Variants in PPP2R2C observed in about 807,000 individuals in gnomAD.
The protein encoded by PPP2R2C is protein phosphatase 2, regulatory subunit B, gamma.
A neutral mutation model predicts 45.3 loss-of-function variants in PPP2R2C; 10 were observed. The observed-to-expected ratio is 0.22, with a 90% CI of 0.14 to 0.37. The LOEUF (loss-of-function observed/expected upper bound fraction) is 0.37. Ranked by LOEUF, PPP2R2C falls within the 10% of genes least tolerant of loss-of-function variation. PPP2R2C has a pLI of 1.00. For missense variants in PPP2R2C, 308 were observed against 619.7 expected (o/e 0.50, Z 5.34); for synonymous variants, 257 against 245.4 (o/e 1.05, Z -0.44).
At chr4:6,371,776 T>C (rs1714846717) in intron 5 of PPP2R2C, among the ~76,000 whole-genome samples, 1 of 152,192 alleles carries the variant, frequency 6.6e-6, no homozygotes, top group Non-Finnish European at 1.5e-5. Context: ...AATGAATGCT[T>C]GTTGATGTTA....
chr4:6,537,203 AAAAAAAAAAGGAAGAATG>A (rs1724654119), intron 1 of PPP2R2C, among the ~76,000 whole-genome samples: 1 of 148,940 alleles, frequency 6.7e-6, no homozygotes, highest in Admixed American at 6.7e-5. Context: ...ACTCCATCTC[AAAAAAAAAAGGAAGAATG>A]ACATCAAAGG....
At chr4:6,511,609 GTGGTGGTGA>G (rs1723513403) in intron 2 of PPP2R2C, among the ~76,000 whole-genome samples, 1 of 83,616 alleles carries the variant, frequency 1.2e-5, no homozygotes, top group Non-Finnish European at 2.3e-5. Context: ...GGGGGTGGTG[GTGGTGGTGA>G]TGGTGGTGGT....
rs561603792 is a variant in PPP2R2C at position 6,463,598 on chromosome 4, G to A, written c.70+8562C>T. Among the ~76,000 whole-genome samples, 18 of 152,354 alleles carry A rather than the reference G, an allele frequency of 1.2e-4. No individual in the cohort carries two copies. In the East Asian group the frequency reaches 1.5e-3, roughly 13 times the overall value. ...GGGCCCCCAGGTGTGTCCTGCTCCCGGGCCGGCTGGCAACTAACTAACTGC... is the reference window on the plus strand; with the variant it reads ...GGGCCCCCAGGTGTGTCCTGCTCCCAGGCCGGCTGGCAACTAACTAACTGC... On this transcript the variant is annotated intron_variant, in intron 1 of 8. Transcript: ENST00000382599.
At chr4:6,549,038 C>T (rs1158009421) in intron 1 of PPP2R2C, among the ~76,000 whole-genome samples, 1 of 152,158 alleles carries the variant, frequency 6.6e-6, no homozygotes, top group Non-Finnish European at 1.5e-5. Flanking sequence ...TCAGTTCCTC[C>T]CACGTGCAAG....
Position 6,349,101 on chromosome 4 carries a change from C to T in PPP2R2C, c.626-1091G>A, listed in dbSNP as rs561189776. 1.1e-5 allele frequency: 11 copies of T among 985,406 alleles called. No homozygotes were observed. The African/African-American group carries it at 1.4e-4, about 12-fold the overall frequency. 61.0% of individuals were successfully genotyped at this position (985,406 alleles called of 1,614,324 possible). ...TCTTGGAGCATGCAAGGACTGGCAC[C>T]CCCGAGCTTCTCTCCGGCTTTCCAG... On this transcript the variant is annotated intron_variant, in intron 5 of 8. Coordinates refer to ENST00000382599, the MANE Select transcript of PPP2R2C (RefSeq NM_020416.4).
chr4:6,520,463 G>A (rs999050932), intron 2 of PPP2R2C, among the ~76,000 whole-genome samples: 6 of 152,230 alleles, frequency 3.9e-5, no homozygotes, highest in African/African-American at 1.4e-4. Context: ...CAGCAGCCCT[G>A]TCAATACTGT....
At chr4:6,356,040 G>A (rs1469740180) in intron 5 of PPP2R2C, among the ~76,000 whole-genome samples, 1 of 148,974 alleles carries the variant, frequency 6.7e-6, no homozygotes, top group East Asian at 2.0e-4. Context: ...TGGGAAGCAC[G>A]TCACACGTGC....
chr4:6,440,637 T>G (rs991288059), intron 1 of PPP2R2C, among the ~76,000 whole-genome samples: 8 of 152,228 alleles, frequency 5.3e-5, no homozygotes, highest in Non-Finnish European at 1.0e-4. Context: ...TGGTGCTGTC[T>G]GTGGTGCTTA....
intron 2 of PPP2R2C, among the ~76,000 whole-genome samples, chr4:6,379,188 C>T (rs1715590458): frequency 1.3e-5 from 2 of 152,078 alleles, no homozygotes; most frequent in Admixed American, 6.5e-5. Context: ...GGAATCTGTC[C>T]CCGGCTTTCC....
chr4:6,375,377 G>T (rs982777901), intron 4 of PPP2R2C, among the ~76,000 whole-genome samples: 1 of 152,116 alleles, frequency 6.6e-6, no homozygotes, highest in Non-Finnish European at 1.5e-5. Flanking sequence ...GGCCTCACAC[G>T]GTCCAGGCTT....
At chr4:6,411,300 CT>C (rs769539274) in intron 1 of PPP2R2C, among the ~76,000 whole-genome samples, 6 of 152,192 alleles carry the variant, frequency 3.9e-5, no homozygotes, top group Non-Finnish European at 8.8e-5. Flanking sequence ...ACCATTGCAC[CT>C]TTCAGCCCCA....
chr4:6,522,405 C>T (rs1015238049), intron 2 of PPP2R2C, among the ~76,000 whole-genome samples: 1 of 152,200 alleles, frequency 6.6e-6, no homozygotes, highest in Non-Finnish European at 1.5e-5. Context: ...CACAATGTGC[C>T]CCCCCAGACC....
intron 5 of PPP2R2C, among the ~76,000 whole-genome samples, chr4:6,366,305 G>A (rs761569535): frequency 4.6e-5 from 7 of 152,164 alleles, no homozygotes; most frequent in East Asian, 1.9e-4. Flanking sequence ...CCCAAAGCCC[G>A]GGCTCCTTCT....
At position 6,320,776 on chromosome 4, in the gene PPP2R2C, C is replaced by G. The variant is rs544080782; in HGVS notation, c.*2526G>C. The G allele has an allele frequency of 3.9e-5, 6 of 152,302 alleles. No homozygotes were observed. Among genetic ancestry groups the G allele is most frequent in the Admixed American group, 2.6e-4 (4 of 15,284 alleles). The allele number at this position is 152,302 out of a possible 1,614,324, so 9.4% of individuals were successfully genotyped here. A position where few individuals can be genotyped will look rare whatever the true frequency, so the allele number is the denominator to read the frequency against. ...CCACCACCCCCACCACCACCACCAC[C>G]AACAGCTTCGTCCTCAGAGAAGAGC... On this transcript the variant is annotated 3_prime_UTR_variant, in exon 9 of 9. Transcript: ENST00000382599.
intron 1 of PPP2R2C, among the ~76,000 whole-genome samples, chr4:6,411,589 ATGGCCCAGGC>A (rs1416352339): frequency 2.3e-5 from 3 of 129,680 alleles, no homozygotes; most frequent in Non-Finnish European, 4.7e-5. Context: ...GTCTTGCTCT[ATGGCCCAGGC>A]TGGAGTGCAG....
chr4:6,488,968 C>T (rs759252215), intron 2 of PPP2R2C, among the ~76,000 whole-genome samples: 2 of 152,194 alleles, frequency 1.3e-5, no homozygotes, highest in Non-Finnish European at 2.9e-5. Context: ...ATGTGCTGAT[C>T]ATTACTCAAC....
chr4:6,362,491 A>T lies in PPP2R2C; in HGVS notation c.625+10032T>A, dbSNP rs4689420. Among the ~76,000 whole-genome samples the T allele has an allele frequency of 7.9e-5, 12 of 152,264 alleles. No homozygotes were observed. The East Asian group carries it at 1.5e-3, about 20-fold the overall frequency. Reference sequence around the variant, plus strand: ...TACAGCTACTGACAGCCATGCTCATAGCAAAACAACCTCCCATCTATCCTG... The same window carrying T: ...TACAGCTACTGACAGCCATGCTCATTGCAAAACAACCTCCCATCTATCCTG... On this transcript the variant is annotated intron_variant, in intron 5 of 8. Coordinates refer to ENST00000382599, the MANE Select transcript of PPP2R2C (RefSeq NM_020416.4).
In PPP2R2C at chr4:6,382,153, C is replaced by T. The variant is rs560884865; in HGVS notation, c.71-1059G>A. On this transcript the variant is annotated intron_variant, in intron 1 of 8. Coordinates refer to ENST00000382599, the MANE Select transcript of PPP2R2C (RefSeq NM_020416.4). ...AAAGTAGAAGATTTCCTATAAAAAT[C>T]CACATTTCCAGTATGTCTTGGAAGA... 1.9e-3 allele frequency: 2,242 copies of T among 1,207,234 alleles called. 7 individuals carry two copies. The highest frequency in any genetic ancestry group is 2.3e-3 in the Non-Finnish European group (2,171 of 959,578). The allele number at this position is 1,207,234 out of a possible 1,614,324, so 74.8% of individuals were successfully genotyped here. A position where few individuals can be genotyped will look rare whatever the true frequency, so the allele number is the denominator to read the frequency against.
At chr4:6,547,075 C>T (rs1417655192) in intron 1 of PPP2R2C, among the ~76,000 whole-genome samples, 1 of 152,214 alleles carries the variant, frequency 6.6e-6, no homozygotes, top group African/African-American at 2.4e-5. Flanking sequence ...AGCCAGACCT[C>T]GGCCTCTGAA....
Sources: gnomAD v4.1 joint callset for allele counts (sites outside exome capture counted in the v4.1 genomes callset) on GRCh38, gnomAD v4.1.1 for gene constraint, MANE v1.5 for transcripts, NCBI Gene and HGNC (gene_info 2026-07-23, HGNC 2026-07-21) for gene names.